Variants in AGMO observed in about 807,000 individuals in gnomAD.
The protein encoded by AGMO is alkylglycerol monooxygenase.
A neutral mutation model predicts 60.2 loss-of-function variants in AGMO; 75 were observed. The observed-to-expected ratio is 1.25, with a 90% CI of 1.03 to 1.51. The LOEUF is 1.51. AGMO is among the 40% of genes most tolerant of loss of function. The pLI, the probability that AGMO is intolerant of heterozygous loss-of-function variation, is 0.00. For missense variants in AGMO, 763 were observed against 525.5 expected, an observed-to-expected ratio of 1.45 and a Z score of -4.42; for synonymous variants, 261 against 177.1, an observed-to-expected ratio of 1.47 and a Z score of -3.76.
intron 12 of AGMO, among the ~76,000 whole-genome samples, chr7:15,348,036 T>C (rs1238023944): frequency 1.3e-5 from 2 of 152,214 alleles, no homozygotes; most frequent in South Asian, 2.1e-4. Flanking sequence ...AACTGTTACT[T>C]TTTGTGACTT....
intron 12 of AGMO, among the ~76,000 whole-genome samples, chr7:15,220,821 T>C (rs955532011): frequency 3.3e-5 from 5 of 152,116 alleles, no homozygotes; most frequent in Non-Finnish European, 7.4e-5. Context: ...GACACAGATC[T>C]AAAAATCTGT....
chr7:15,147,529 T>C, the AGMO span, among the ~76,000 whole-genome samples: 1 of 152,052 alleles, frequency 6.6e-6, no homozygotes, highest in Non-Finnish European at 1.5e-5. Context: ...TCCCACCCCA[T>C]GACACGTGGG....
At chr7:15,436,415 G>A (rs1008555686) in intron 3 of AGMO, among the ~76,000 whole-genome samples, 3 of 152,178 alleles carry the variant, frequency 2.0e-5, no homozygotes, top group African/African-American at 7.2e-5. Flanking sequence ...AAGCAGAAGA[G>A]AGTGAACCCA....
At chr7:15,408,388 G>C (rs940550940) in intron 5 of AGMO, among the ~76,000 whole-genome samples, 1 of 151,802 alleles carries the variant, frequency 6.6e-6, no homozygotes, top group Non-Finnish European at 1.5e-5. Context: ...AGGGCAGAGT[G>C]TGTAGGTGTA....
Position 15,391,349 on chromosome 7 carries a change from TAG to T in AGMO, c.677-446_677-445del, listed in dbSNP as rs142210544. 9.2e-3 allele frequency among the ~76,000 whole-genome samples: 1,405 copies of T among 152,264 alleles called. 27 individuals are homozygous for T. Among genetic ancestry groups the T allele is most frequent in the African/African-American group, 0.033 (1,373 of 41,554 alleles). ...CATCTGTTTCAGGAAGGAAATTTTC[TAG>T]AGTTAGACCTGACTAGTTTTTTTAA... On this transcript the variant is annotated intron_variant, in intron 6 of 12. Transcript: ENST00000342526.
rs1321999709 is a variant in AGMO at position 15,385,541 on chromosome 7, AG to A, written c.978del (p.Phe327SerfsTer9). 1.2e-5 allele frequency: 20 copies of A among 1,612,174 alleles called. No homozygotes were observed. Among genetic ancestry groups the A allele is most frequent in the Non-Finnish European group, 1.4e-5 (17 of 1,178,586 alleles). ...AATAGCTGAGATGAAGATGATGAGA[AG>A]GGAACTTCTTTGCCGGTGACCTAGG... is the stretch of plus-strand genomic sequence containing the variant. Reference protein sequence around the residue: ...EIPEVTGKEVPFSSSSSQLLK... With the variant: ...EIPEVTGKEVXFSSSSSQLLK... On this transcript the variant is annotated frameshift_variant, in exon 10 of 13. Transcript: ENST00000342526. LOFTEE classifies it high-confidence loss of function.
chr7:15,240,724 C>T (rs1782565230), intron 12 of AGMO, among the ~76,000 whole-genome samples: 1 of 152,106 alleles, frequency 6.6e-6, no homozygotes, highest in Non-Finnish European at 1.5e-5. Context: ...GGGCAATTTT[C>T]AGAGATCTAA....
At chr7:15,477,613 C>A (rs1216542186) in intron 3 of AGMO, among the ~76,000 whole-genome samples, 1 of 152,076 alleles carries the variant, frequency 6.6e-6, no homozygotes, top group African/African-American at 2.4e-5. Flanking sequence ...TCTAAAATAC[C>A]AATGTGCAGG....
intron 3 of AGMO, among the ~76,000 whole-genome samples, chr7:15,522,989 C>G (rs890829134): frequency 3.3e-5 from 5 of 152,068 alleles, no homozygotes; most frequent in Non-Finnish European, 7.4e-5. Flanking sequence ...AGAACTTAAA[C>G]AAATTTACAA....
intron 3 of AGMO, among the ~76,000 whole-genome samples, chr7:15,466,065 G>A (rs1356537205): frequency 1.3e-5 from 2 of 152,044 alleles, no homozygotes; most frequent in African/African-American, 2.4e-5. Flanking sequence ...CAAAATCTTG[G>A]TCCTTAGGGA....
At chr7:15,381,961 AGC>A (rs1356680485) in intron 10 of AGMO, among the ~76,000 whole-genome samples, 5 of 152,102 alleles carry the variant, frequency 3.3e-5, no homozygotes, top group African/African-American at 1.2e-4. Context: ...TGTAAGTGGG[AGC>A]GCTAAATGAT....
At chr7:15,145,053 T>C in the AGMO span, among the ~76,000 whole-genome samples, 1 of 152,132 alleles carries the variant, frequency 6.6e-6, no homozygotes, top group African/African-American at 2.4e-5. Flanking sequence ...TGGGCTCGAT[T>C]TCCTGACCTT....
intron 12 of AGMO, among the ~76,000 whole-genome samples, chr7:15,219,934 A>G (rs775372368): frequency 1.2e-4 from 19 of 152,248 alleles, no homozygotes; most frequent in Non-Finnish European, 2.2e-4. Context: ...TGTTTCCTGC[A>G]CACACCCCAG....
intron 12 of AGMO, among the ~76,000 whole-genome samples, chr7:15,361,290 A>C (rs1562457826): frequency 6.6e-6 from 1 of 151,820 alleles, no homozygotes. Flanking sequence ...AAAAAAAAAA[A>C]GATCTTTGGG....
chr7:15,283,854 A>T (rs930382797), intron 12 of AGMO, among the ~76,000 whole-genome samples: 13 of 149,802 alleles, frequency 8.7e-5, no homozygotes, highest in East Asian at 5.8e-4. Flanking sequence ...AATGAAGTTT[A>T]AAAAAAAATG....
At chr7:15,463,429 TACAC>T (rs1371366358) in intron 3 of AGMO, among the ~76,000 whole-genome samples, 3 of 152,140 alleles carry the variant, frequency 2.0e-5, no homozygotes, top group African/African-American at 7.2e-5. Context: ...GAACCTCTCT[TACAC>T]ACTCACCCAA....
At chr7:15,365,044 A>G (rs1199337486) in intron 12 of AGMO, among the ~76,000 whole-genome samples, 1 of 152,044 alleles carries the variant, frequency 6.6e-6, no homozygotes, top group Non-Finnish European at 1.5e-5. Context: ...CATATTTTTC[A>G]GCTGTAGAAA....
At chr7:15,547,694 A>C (rs1197248416) in intron 2 of AGMO, among the ~76,000 whole-genome samples, 2 of 152,056 alleles carry the variant, frequency 1.3e-5, no homozygotes, top group African/African-American at 4.8e-5. Flanking sequence ...GATTGCTAGC[A>C]CAGCAGTCTG....
intron 3 of AGMO, among the ~76,000 whole-genome samples, chr7:15,468,195 A>G (rs542812516): frequency 1.3e-5 from 2 of 152,302 alleles, no homozygotes; most frequent in African/African-American, 4.8e-5. Context: ...TGGCAAAAAT[A>G]CTGTTGTAGC....
Sources: gnomAD v4.1 joint callset for allele counts (sites outside exome capture counted in the v4.1 genomes callset) on GRCh38, gnomAD v4.1.1 for gene constraint, MANE v1.5 for transcripts, NCBI Gene and HGNC (gene_info 2026-07-23, HGNC 2026-07-21) for gene names.